The following LRMDA variants were observed in gnomAD, a reference collection of about 807,000 sequenced individuals.
LRMDA encodes the protein leucine rich melanocyte differentiation associated.
In LRMDA, 18 loss-of-function variants were observed where a neutral mutation model predicts 29.8. The observed-to-expected ratio is 0.60, with a 90% CI of 0.42 to 0.90. The LOEUF is 0.90. LRMDA is among the 40% of genes least tolerant of loss of function. LRMDA has a pLI of 0.00. For missense variants in LRMDA, 273 were observed against 273.9 expected (o/e 1.00, Z 0.02); for synonymous variants, 125 against 109.4 (o/e 1.14, Z -0.89).
At chr10:76,363,165 GA>G (rs1589151572) in intron 6 of LRMDA, among the ~76,000 whole-genome samples, 751 of 39,646 alleles carry the variant, frequency 0.019, 27 homozygotes, top group Middle Eastern at 0.071. Flanking sequence ...AAGAAAGAAA[GA>G]AAGAAAGAAA....
At chr10:75,562,002 A>T (rs1840303030) in intron 2 of LRMDA, among the ~76,000 whole-genome samples, 1 of 152,030 alleles carries the variant, frequency 6.6e-6, no homozygotes, top group South Asian at 2.1e-4. Context: ...AAAAATGTAT[A>T]TTCTGTTGAT....
intron 2 of LRMDA, chr10:75,647,514 A>G (rs1841537677): frequency 6.6e-6 from 1 of 152,380 alleles, no homozygotes; most frequent in Non-Finnish European, 1.5e-5. Flanking sequence ...TCTTGAACAA[A>G]GAGGTGAATG....
chr10:75,678,515 T>C (rs988166803), intron 2 of LRMDA, among the ~76,000 whole-genome samples: 1 of 152,184 alleles, frequency 6.6e-6, no homozygotes, highest in African/African-American at 2.4e-5. Flanking sequence ...CAGATTTGCC[T>C]TTATTGGTTT....
chr10:76,022,386 A>AACGGC (rs1229350659), intron 2 of LRMDA, among the ~76,000 whole-genome samples: 3 of 152,232 alleles, frequency 2.0e-5, no homozygotes, highest in African/African-American at 7.2e-5. Flanking sequence ...CTTAGGCCTC[A>AACGGC]ACGGCAGCTC....
intron 6 of LRMDA, among the ~76,000 whole-genome samples, chr10:76,434,698 C>A (rs1409672560): frequency 6.6e-6 from 1 of 152,190 alleles, no homozygotes; most frequent in Non-Finnish European, 1.5e-5. Context: ...CAGGATACAA[C>A]AATAAATGAG....
intron 6 of LRMDA, among the ~76,000 whole-genome samples, chr10:76,463,913 A>G (rs2132310701): frequency 1.5e-5 from 1 of 66,742 alleles, no homozygotes; most frequent in African/African-American, 4.8e-5. Context: ...TAGGTGCAAA[A>G]TAAATTTTTT....
chr10:76,498,053 C>G (rs1842888752), intron 6 of LRMDA, among the ~76,000 whole-genome samples: 1 of 75,732 alleles, frequency 1.3e-5, no homozygotes, highest in South Asian at 3.5e-4. Flanking sequence ...ATCCTCTTCC[C>G]AAATATTGGA....
chr10:76,344,169 A>C (rs2395374), intron 6 of LRMDA, among the ~76,000 whole-genome samples: 135,164 of 151,958 alleles, frequency 0.89, 60,805 homozygotes, highest in Non-Finnish European at 0.95. Context: ...AAAAATCTAA[A>C]AAAATAATTC....
intron 2 of LRMDA, among the ~76,000 whole-genome samples, chr10:75,603,393 G>C (rs1840913410): frequency 6.6e-6 from 1 of 152,034 alleles, no homozygotes; most frequent in Admixed American, 6.6e-5. Flanking sequence ...TTACTATCCA[G>C]GACTTGCAGC....
chr10:76,283,791 C>A (rs1296456915), intron 5 of LRMDA, among the ~76,000 whole-genome samples: 2 of 152,146 alleles, frequency 1.3e-5, no homozygotes, highest in African/African-American at 4.8e-5. Context: ...GTGTATTTCA[C>A]CCCACAGCCT....
At chr10:76,045,846 A>G (rs1217740621) in intron 3 of LRMDA, among the ~76,000 whole-genome samples, 1 of 151,970 alleles carries the variant, frequency 6.6e-6, no homozygotes, top group East Asian at 1.9e-4. Context: ...TATTTTAGGG[A>G]CCCAATTCCG....
At chr10:75,974,789 A>T (rs1427948435) in intron 2 of LRMDA, among the ~76,000 whole-genome samples, 1 of 152,232 alleles carries the variant, frequency 6.6e-6, no homozygotes, top group African/African-American at 2.4e-5. Context: ...TACCTACAAC[A>T]TGCTTGGCAT....
chr10:75,925,897 T>C (rs1345394419), intron 2 of LRMDA, among the ~76,000 whole-genome samples: 1 of 152,080 alleles, frequency 6.6e-6, no homozygotes, highest in East Asian at 1.9e-4. Flanking sequence ...TGACCTCGTA[T>C]AATCTGGCTG....
intron 6 of LRMDA, among the ~76,000 whole-genome samples, chr10:76,424,033 T>C (rs1842097918): frequency 6.6e-6 from 1 of 152,222 alleles, no homozygotes; most frequent in Non-Finnish European, 1.5e-5. Context: ...TGGAGTTGTG[T>C]TCTGGTCTTA....
chr10:75,690,994 T>TATACACAC (rs1232064510), intron 2 of LRMDA, among the ~76,000 whole-genome samples: 5 of 100,050 alleles, frequency 5.0e-5, no homozygotes, highest in East Asian at 3.2e-4. Flanking sequence ...TATATATATA[T>TATACACAC]ACACACACAC....
In LRMDA at chr10:76,086,014, G is replaced by A. The variant is rs530799569; in HGVS notation, c.516+27231G>A. ...GCTTCACTCTTCTGCACCACCCCCC[G>A]CCCAATTTTATAGTCTTCTCAAGTT... On this transcript the variant is annotated intron_variant, in intron 5 of 6. Coordinates refer to ENST00000611255, the MANE Select transcript of LRMDA (RefSeq NM_001305581.2). Among the ~76,000 whole-genome samples the A allele has an allele frequency of 1.2e-4, 18 of 152,058 alleles. 1 individual carries two copies. The highest frequency in any genetic ancestry group is 3.4e-3 in the Middle Eastern group (1 of 294).
In LRMDA at chr10:76,307,457, C is replaced by G. The variant is rs139981769; in HGVS notation, c.517-16944C>G. On this transcript the variant is annotated intron_variant, in intron 5 of 6. Transcript: ENST00000611255. ...GTCTGCTTTCGAAGGGGAATTTGCC[C>G]TTTTGGCCTCTTTGGTGTCCACTAC... Among the ~76,000 whole-genome samples, 975 of 152,210 alleles carry G rather than the reference C, an allele frequency of 6.4e-3. 3 individuals carry two copies. The highest frequency in any genetic ancestry group is 0.01 in the Non-Finnish European group (686 of 67,998).
intron 2 of LRMDA, among the ~76,000 whole-genome samples, chr10:75,572,296 A>G (rs185471544): frequency 2.6e-5 from 4 of 151,426 alleles, no homozygotes; most frequent in African/African-American, 9.7e-5. Flanking sequence ...ATTTAACAAC[A>G]TGGAATAAAA....
chr10:76,233,424 C>G (rs1001193472), intron 5 of LRMDA, among the ~76,000 whole-genome samples: 4 of 152,138 alleles, frequency 2.6e-5, no homozygotes, highest in Admixed American at 6.5e-5. Context: ...TGGCTGCTGA[C>G]TGATCAGGGA....
Sources: allele counts gnomAD v4.1 joint callset (sites outside exome capture counted in the v4.1 genomes callset), GRCh38; gene constraint gnomAD v4.1.1; transcripts MANE v1.5; gene names NCBI Gene and HGNC (gene_info 2026-07-23, HGNC 2026-07-21).